MYH7: variants seen among roughly 807,000 people sequenced by gnomAD.
MYH7 encodes myosin heavy chain 7.
MYH7 carries 129 observed loss-of-function variants against 225.4 expected under a neutral mutation model. The ratio of observed to expected loss-of-function variants is 0.57; its 90% CI spans 0.50 to 0.66. The LOEUF (loss-of-function observed/expected upper bound fraction) is 0.66, where lower values mean the gene tolerates loss of function less well. Ranked by LOEUF, MYH7 falls within the 30% of genes least tolerant of loss-of-function variation. The pLI, the probability that MYH7 is intolerant of heterozygous loss-of-function variation, is 0.00. For missense variants in MYH7, 1,649 were observed against 2,517.0 expected (o/e 0.66, Z 7.38); for synonymous variants, 971 against 1,007.6 (o/e 0.96, Z 0.69).
At chr14:23,428,382 G>T in intron 15 of MYH7, 118 bp downstream of exon 15, 1 of 1,523,424 alleles carries the variant, frequency 6.6e-7, no homozygotes, top group Non-Finnish European at 9.0e-7. Context: ...CCAAGGGCTC[G>T]GATCCTTCAG....
At position 23,415,677 on chromosome 14, in the gene MYH7, C is replaced by T. The variant is rs761344083; in HGVS notation, c.5109G>A (p.Glu1703=). ...EQTERSRKLA[E]QELIETSERV... ...GCTCACTAGTCTCAATCAGCTCCTGCTCCGCCAGCTTCCGGGACCGCTCTG... is the reference window on the plus strand; with the variant it reads ...GCTCACTAGTCTCAATCAGCTCCTGTTCCGCCAGCTTCCGGGACCGCTCTG... Residue 1703 remains glutamate, a synonymous_variant, in exon 35 of 40, where the codon GAG becomes GAA. Transcript: ENST00000355349. The surrounding 1 kb of genome is among the most constrained non-coding windows in gnomAD (Gnocchi z 6.3). The T allele has an allele frequency of 3.1e-6, 5 of 1,614,106 alleles. No individual in the cohort carries two copies. In the South Asian group the frequency reaches 5.5e-5, roughly 18 times the overall value.
In MYH7 at chr14:23,419,881, G is replaced by T. The variant is rs370750044; in HGVS notation, c.3690C>A (p.Asp1230Glu). Residue 1230 changes from aspartate to glutamate, a missense_variant, in exon 27 of 40, where the codon GAC (aspartate) becomes GAA (glutamate). Transcript: ENST00000355349. Reference protein sequence around the residue: ...EKSEFKLELDDVTSNMEQIIK... With the variant: ...EKSEFKLELDEVTSNMEQIIK... ...TGATCTGCTCCATGTTGGAGGTGAC[G>T]TCATCCAGCTCCAGCTTGAACTCGC... is the stretch of plus-strand genomic sequence containing the variant. The T allele has an allele frequency of 6.2e-7, 1 of 1,613,704 alleles. No homozygotes were observed. Among genetic ancestry groups the T allele is most frequent in the Non-Finnish European group, 8.5e-7 (1 of 1,179,796 alleles).
At chr14:23,413,648 G>T in intron 39 of MYH7, 111 bp downstream of exon 39, 1 of 1,475,508 alleles carries the variant, frequency 6.8e-7, no homozygotes, top group Non-Finnish European at 9.3e-7. Flanking sequence ...CTGGGGCCAT[G>T]TGGCTCAAGT....
In MYH7 at chr14:23,415,202, C is replaced by CT; in HGVS notation, c.5351dup (p.Asn1785GlufsTer7). 1 of 1,614,228 alleles carries CT rather than the reference C, an allele frequency of 6.2e-7. No homozygotes were observed. The highest frequency in any genetic ancestry group is 8.5e-7 in the Non-Finnish European group (1 of 1,180,052). On this transcript the variant is annotated frameshift_variant, in exon 37 of 40. Transcript: ENST00000355349. LOFTEE classifies it high-confidence loss of function. The surrounding 1 kb of genome is among the most constrained non-coding windows in gnomAD (Gnocchi z 6.3). ...GGTCCTTAATGGTCTGTTCCATGTT[C>CT]TTCTTCATGCGCTCCAGGTGGGCGC... is the stretch of plus-strand genomic sequence containing the variant.
In MYH7 at chr14:23,415,574, G is replaced by T; in HGVS notation, c.5157+55C>A. On this transcript the variant is annotated intron_variant, in intron 35 of 39. Coordinates refer to ENST00000355349, the MANE Select transcript of MYH7 (RefSeq NM_000257.4). The surrounding 1 kb of genome is among the most constrained non-coding windows in gnomAD (Gnocchi z 6.3). ...CATCTATGCATAGCTCTCAAGCCTT[G>T]CTTGCTGAGCCCCAGCCTGTGCTCC... is the stretch of plus-strand genomic sequence containing the variant. 1 of 1,613,848 alleles carries T rather than the reference G, an allele frequency of 6.2e-7. No individual in the cohort carries two copies. The highest frequency in any genetic ancestry group is 8.5e-7 in the Non-Finnish European group (1 of 1,180,036).
At chr14:23,418,776 A>G (rs1050037154) in intron 29 of MYH7, among the ~76,000 whole-genome samples, 32 of 152,100 alleles carry the variant, frequency 2.1e-4, no homozygotes, top group African/African-American at 6.5e-4. Context: ...TTTAAAAATC[A>G]TGTTCTTTCT....
rs376897125 is a variant in MYH7 at position 23,430,601 on chromosome 14, C to T, written c.958G>A (p.Val320Met). The T allele has an allele frequency of 3.1e-6, 5 of 1,613,992 alleles. No individual in the cohort carries two copies. Among genetic ancestry groups the T allele is most frequent in the African/African-American group, 1.3e-5 (1 of 74,906 alleles). Residue 320 changes from valine to methionine, a missense_variant, in exon 11 of 40, where the codon GTG becomes ATG. Transcript: ENST00000355349. ...YAFISQGETTVASIDDAEELM... is the reference protein window; with the variant it reads ...YAFISQGETTMASIDDAEELM... ...TCCTCAGCGTCATCAATGGAGGCCA[C>T]GGTGGTCTCTCCTTGGGAGATGAAT...
rs1183159125 is a variant in MYH7, at chr14:23,434,296, G to T, written c.-64-47C>A. ...TGTCAGGGCAGGCTGTGCCCAACCT[G>T]ACCAGTCCCACCTTCCTGCTTCTCC... On this transcript the variant is annotated intron_variant, in intron 1 of 39. Transcript: ENST00000355349. 1.1e-5 allele frequency: 11 copies of T among 992,752 alleles called. No individual in the cohort carries two copies. The South Asian group carries it at 5.0e-4, about 45-fold the overall frequency. The allele number at this position is 992,752 out of a possible 1,614,324, so 61.5% of individuals were successfully genotyped here.
intron 22 of MYH7, 125 bp from the exon 23 acceptor site, chr14:23,424,274 G>C (rs1231020528): frequency 2.3e-6 from 3 of 1,282,786 alleles, no homozygotes; most frequent in Admixed American, 4.3e-5. Flanking sequence ...CTTGGCAAGA[G>C]CTTCAGAAGT....
Position 23,433,072 on chromosome 14 carries a change from T to A in MYH7, c.345+12A>T, listed in dbSNP as rs2856911. The A allele has an allele frequency of 6.2e-7, 1 of 1,613,816 alleles. No individual in the cohort carries two copies. ...ACAGAGATCCCAACGTAGGGCCAGG[T>A]GCAGCACTCACGTAGATCATCCAGG... On this transcript the variant is annotated intron_variant, in intron 4 of 39. Transcript: ENST00000355349. This position sits in a 1 kb window ranked among gnomAD's most constrained non-coding sequence, Gnocchi z 4.1.
At position 23,425,840 on chromosome 14, in the gene MYH7, G is replaced by A. The variant is rs373713136; in HGVS notation, c.2163-22C>T. ...ATACCTGAGGAGGGAAGTGTCCAGA[G>A]TCACCCATGCTCTGCAGTGATCTGC... On this transcript the variant is annotated intron_variant, in intron 19 of 39. Coordinates refer to ENST00000355349, the MANE Select transcript of MYH7 (RefSeq NM_000257.4). This position sits in a 1 kb window ranked among gnomAD's most constrained non-coding sequence, Gnocchi z 4.6. The A allele has an allele frequency of 2.5e-4, 404 of 1,613,670 alleles. No homozygotes were observed. The highest frequency in any genetic ancestry group is 4.3e-4 in the Admixed American group (26 of 59,992).
rs1430666956 is a variant in MYH7, at chr14:23,419,222, G to T, written c.3927C>A (p.Thr1309=). The change falls in exon 29 of 40, where the codon ACC becomes ACA. Residue 1309 remains threonine, a synonymous_variant. Coordinates refer to ENST00000355349, the MANE Select transcript of MYH7 (RefSeq NM_000257.4). ...GCCTCTTGAGGTCCTCCAGCTGCTG[G>T]GTGTAGGTGAGCTTGCCTCGGGTCA... The part of the protein sequence containing the change: ...SQLTRGKLTY[T]QQLEDLKRQL... 2.5e-6 allele frequency: 4 copies of T among 1,614,196 alleles called. No homozygotes were observed. Among genetic ancestry groups the T allele is most frequent in the Middle Eastern group, 1.6e-4 (1 of 6,062 alleles).
rs1235431208 is a variant in MYH7, at chr14:23,420,112, G to A, written c.3459C>T (p.Ala1153=). 5.6e-6 allele frequency: 9 copies of A among 1,604,502 alleles called. No individual in the cohort carries two copies. Among genetic ancestry groups the A allele is most frequent in the South Asian group, 4.4e-5 (4 of 90,548 alleles). The change falls in exon 27 of 40, where the codon GCC becomes GCT. Residue 1153 remains alanine, a synonymous_variant. Coordinates refer to ENST00000355349, the MANE Select transcript of MYH7 (RefSeq NM_000257.4). The part of the protein sequence containing the change: ...LEEISERLEE[A]GGATSVQIEM... ...CGATCTGCACGGACGTGGCCCCGCC[G>A]GCCTCTTCCAGCCGCTCGCTGATCT...
In MYH7 at chr14:23,432,466, C is replaced by T. The variant is rs1595090283; in HGVS notation, c.530+13G>A. 2 of 1,614,060 alleles carry T rather than the reference C, an allele frequency of 1.2e-6. No homozygotes were observed. The highest frequency in any genetic ancestry group is 2.2e-5 in the East Asian group (1 of 44,874). ...GAGATTCTGAAAGGGAATACAGTAG[C>T]AGCTACACTCACGTGATCAGGATGG... On this transcript the variant is annotated intron_variant, in intron 6 of 39. Coordinates refer to ENST00000355349, the MANE Select transcript of MYH7 (RefSeq NM_000257.4).
rs766301164 is a variant in MYH7 at position 23,433,692 on chromosome 14, G to T, written c.41C>A (p.Pro14His). The T allele has an allele frequency of 6.2e-7, 1 of 1,614,238 alleles. No homozygotes were observed. Among genetic ancestry groups the T allele is most frequent in the South Asian group, 1.1e-5 (1 of 91,090 alleles). ...CTCCTTCTCTGACTTGCGCAGGTAG[G>T]GGGCGGCAGCCCCAAAGACTGCCAT... ...SEMAVFGAAA[P>H]YLRKSEKERL... The change falls in exon 3 of 40, where the codon CCC (proline) becomes CAC (histidine). Residue 14 changes from proline (P) to histidine (H), a missense_variant. Transcript: ENST00000355349. This position sits in a 1 kb window ranked among gnomAD's most constrained non-coding sequence, Gnocchi z 4.1.
chr14:23,427,188 G>A (rs1892725604), intron 17 of MYH7, 52 bp downstream of exon 17: 2 of 1,578,750 alleles, frequency 1.3e-6, no homozygotes, highest in South Asian at 1.1e-5. Flanking sequence ...GTGGGGCTGG[G>A]TGGGGTTGGG....
In MYH7 at chr14:23,418,404, C is replaced by T. The variant is rs1424491117; in HGVS notation, c.3975G>A (p.Ala1325=). The change falls in exon 30 of 40, where the codon GCG becomes GCA. Residue 1325 remains alanine, a splice_region_variant and synonymous_variant. Transcript: ENST00000355349. ...LKRQLEEEVK[A]KNALAHALQS... is the part of the protein sequence containing the mutation. ...GCAGTGCGTGGGCCAGGGCGTTCTT[C>T]GCCTGGGGAGGGGTGGGCACCAGGA... 21 of 1,604,686 alleles carry T rather than the reference C, an allele frequency of 1.3e-5. No individual in the cohort carries two copies. Among genetic ancestry groups the T allele is most frequent in the Admixed American group, 1.7e-5 (1 of 59,760 alleles).
chr14:23,432,996 C>A, intron 4 of MYH7, 88 bp downstream of exon 4: 2 of 1,592,942 alleles, frequency 1.3e-6, no homozygotes, highest in Non-Finnish European at 1.7e-6. Context: ...CCTGCCTAGA[C>A]ACAAACAGAA....
rs1892179365 is a variant in MYH7 at position 23,415,847 on chromosome 14, A to G, written c.4954-15T>C. 2.5e-6 allele frequency: 4 copies of G among 1,613,922 alleles called. No homozygotes were observed. The highest frequency in any genetic ancestry group is 3.4e-6 in the Non-Finnish European group (4 of 1,180,004). ...ATCTGGGTGTCCTGAGGATCAGGAG[A>G]GTGGGCATGAGCAGGGAGCCAGCCT... On this transcript the variant is annotated splice_polypyrimidine_tract_variant and intron_variant, in intron 34 of 39. Coordinates refer to ENST00000355349, the MANE Select transcript of MYH7 (RefSeq NM_000257.4). The surrounding 1 kb of genome is among the most constrained non-coding windows in gnomAD (Gnocchi z 6.3).
Sources: gnomAD v4.1 joint callset for allele counts (sites outside exome capture counted in the v4.1 genomes callset) on GRCh38, gnomAD v4.1.1 for gene constraint, Gnocchi (gnomAD v3.1) non-coding constraint, MANE v1.5 for transcripts, NCBI Gene and HGNC (gene_info 2026-07-23, HGNC 2026-07-21) for gene names.